DLG2: variants seen among roughly 807,000 people sequenced by gnomAD.
DLG2 encodes disks large homolog 2.
Under a neutral mutation model 132.5 loss-of-function variants are expected in DLG2, and 45 were observed. The observed-to-expected ratio is 0.34, with a 90% CI of 0.27 to 0.44. The LOEUF is 0.44. Among genes scored for constraint, DLG2 ranks in the 20% least tolerant of loss-of-function variants. The probability of loss-of-function intolerance (pLI) is 1.00; values close to 1 mark genes in which losing one functional copy is unlikely to be tolerated. For synonymous variants in DLG2, 424 were observed against 419.6 expected, an observed-to-expected ratio of 1.01 and a Z score of -0.13; for missense variants, 1,045 against 1,196.9, an observed-to-expected ratio of 0.87 and a Z score of 1.87.
chr11:83,965,493 T>TTAGA, intron 12 of DLG2, 25 bp from the exon 13 acceptor site: 1 of 1,576,378 alleles, frequency 6.3e-7, no homozygotes, highest in Non-Finnish European at 8.6e-7. Flanking sequence ...AAGATCAATA[T>TTAGA]TAGAGTTAAA....
rs188044626 is a variant in DLG2, at chr11:85,136,983, A to G, written c.282+17573T>C. Among the ~76,000 whole-genome samples, 122 of 152,126 alleles carry G rather than the reference A, an allele frequency of 8.0e-4. 1 individual carries two copies. Among genetic ancestry groups the G allele is most frequent in the Admixed American group, 7.9e-3 (121 of 15,268 alleles). Reference sequence around the variant, plus strand: ...ATTCATATGAGAACCATATATTTATATTAATTATATACATATATACATATG... The same window carrying G: ...ATTCATATGAGAACCATATATTTATGTTAATTATATACATATATACATATG... On this transcript the variant is annotated intron_variant, in intron 5 of 27. Transcript: ENST00000376104.
At chr11:84,314,978 G>C (rs886208852) in intron 7 of DLG2, among the ~76,000 whole-genome samples, 15 of 152,112 alleles carry the variant, frequency 9.9e-5, no homozygotes, top group African/African-American at 3.6e-4. Context: ...AATCCTAAAA[G>C]ATATGGTTTC....
At chr11:84,061,883 T>C (rs1048445020) in intron 10 of DLG2, among the ~76,000 whole-genome samples, 3 of 148,554 alleles carry the variant, frequency 2.0e-5, no homozygotes, top group African/African-American at 7.4e-5. Context: ...AAACTACCAA[T>C]TAAAATAGTT....
At chr11:83,520,562 A>G (rs4341564) in intron 21 of DLG2, among the ~76,000 whole-genome samples, 94,234 of 151,804 alleles carry the variant, frequency 0.62, 29,850 homozygotes, top group African/African-American at 0.73. Flanking sequence ...AAGATAGCTA[A>G]CTAGCTAGGT....
chr11:85,246,770 C>T (rs1411949919), intron 4 of DLG2, among the ~76,000 whole-genome samples: 2 of 151,966 alleles, frequency 1.3e-5, no homozygotes, highest in African/African-American at 4.8e-5. Flanking sequence ...TAATTATACA[C>T]TTATATTTGT....
intron 9 of DLG2, among the ~76,000 whole-genome samples, chr11:84,115,110 A>G (rs768456755): frequency 6.6e-6 from 1 of 152,206 alleles, no homozygotes; most frequent in Non-Finnish European, 1.5e-5. Context: ...TTTCTGTTTT[A>G]CACAACTTTA....
chr11:84,061,063 A>C (rs905825750), intron 10 of DLG2, among the ~76,000 whole-genome samples: 1 of 152,052 alleles, frequency 6.6e-6, no homozygotes, highest in African/African-American at 2.4e-5. Flanking sequence ...TCCTCCTTCC[A>C]AACAGTGTCC....
At chr11:85,107,953 A>G (rs1263681897) in intron 6 of DLG2, among the ~76,000 whole-genome samples, 1 of 144,928 alleles carries the variant, frequency 6.9e-6, no homozygotes, top group Non-Finnish European at 1.5e-5. Context: ...AAAAAAAAAA[A>G]GCCTCTCAGC....
intron 21 of DLG2, among the ~76,000 whole-genome samples, chr11:83,511,888 G>T (rs2095049032): frequency 6.6e-6 from 1 of 152,010 alleles, no homozygotes; most frequent in South Asian, 2.1e-4. Context: ...TTCTTATGCT[G>T]GCTGTTGTTG....
intron 6 of DLG2, among the ~76,000 whole-genome samples, chr11:84,646,475 T>C (rs1244769801): frequency 6.6e-6 from 1 of 152,196 alleles, no homozygotes; most frequent in East Asian, 1.9e-4. Flanking sequence ...ATTTACTTTA[T>C]CTTTGTCAGA....
intron 11 of DLG2, among the ~76,000 whole-genome samples, chr11:84,056,590 A>G (rs1309329010): frequency 6.6e-6 from 1 of 152,138 alleles, no homozygotes; most frequent in Non-Finnish European, 1.5e-5. Context: ...TGAGTTAAAC[A>G]TTGGTAGGAA....
At chr11:85,082,914 G>A (rs367912975) in intron 6 of DLG2, among the ~76,000 whole-genome samples, 1 of 151,750 alleles carries the variant, frequency 6.6e-6, no homozygotes, top group Non-Finnish European at 1.5e-5. Flanking sequence ...ATTCTCTAAT[G>A]GTAAAGAGAA....
intron 6 of DLG2, among the ~76,000 whole-genome samples, chr11:84,704,247 G>A (rs2059548706): frequency 6.6e-6 from 1 of 151,360 alleles, no homozygotes; most frequent in African/African-American, 2.4e-5. Flanking sequence ...GACACTCTAT[G>A]TTCACAGATG....
At chr11:85,319,240 T>A (rs897680204) in intron 3 of DLG2, among the ~76,000 whole-genome samples, 3 of 151,890 alleles carry the variant, frequency 2.0e-5, no homozygotes, top group African/African-American at 7.2e-5. Flanking sequence ...TAAAAAAAAT[T>A]CAAGAATGCT....
intron 11 of DLG2, among the ~76,000 whole-genome samples, chr11:84,009,246 C>A (rs944830277): frequency 2.0e-5 from 3 of 151,726 alleles, no homozygotes; most frequent in Admixed American, 6.6e-5. Context: ...AGATATAAAT[C>A]CCTCTCACAT....
At position 85,155,795 on chromosome 11, in the gene DLG2, G is replaced by A. The variant is rs113435883; in HGVS notation, c.187-1144C>T. On this transcript the variant is annotated intron_variant, in intron 4 of 27. Transcript: ENST00000376104. ...TGAGGCAGGAGAGTCACTTGAACCA[G>A]GGAGGTGCAGGTTGCAGTGAGCCAC... Among the ~76,000 whole-genome samples the A allele has an allele frequency of 4.4e-3, 664 of 151,896 alleles. 2 individuals carry two copies. Among genetic ancestry groups the A allele is most frequent in the Non-Finnish European group, 7.1e-3 (482 of 67,970 alleles).
At chr11:84,088,568 T>C (rs138534508) in intron 10 of DLG2, among the ~76,000 whole-genome samples, 6 of 152,300 alleles carry the variant, frequency 3.9e-5, no homozygotes, top group Non-Finnish European at 5.9e-5. Context: ...TCTTCTTGTA[T>C]AGAAATTTTC....
At chr11:85,002,943 CTTAA>C (rs2058340989) in intron 6 of DLG2, among the ~76,000 whole-genome samples, 1 of 151,826 alleles carries the variant, frequency 6.6e-6, no homozygotes, top group South Asian at 2.1e-4. Flanking sequence ...TATTCTCCAG[CTTAA>C]TTTATTGTAA....
intron 9 of DLG2, among the ~76,000 whole-genome samples, chr11:84,113,130 C>T (rs2093448473): frequency 6.6e-6 from 1 of 152,118 alleles, no homozygotes; most frequent in South Asian, 2.1e-4. Context: ...GCATAGAGTT[C>T]TTCACTCCCA....
Sources: gnomAD v4.1 joint callset for allele counts (sites outside exome capture counted in the v4.1 genomes callset) on GRCh38, gnomAD v4.1.1 for gene constraint, MANE v1.5 for transcripts, NCBI Gene and HGNC (gene_info 2026-07-23, HGNC 2026-07-21) for gene names.